The following CEP170B variants were observed in gnomAD, a reference collection of about 807,000 sequenced individuals.
The protein encoded by CEP170B is centrosomal protein 170B.
CEP170B carries 55 observed loss-of-function variants against 120.6 expected under a neutral mutation model. That is an observed-to-expected ratio of 0.46 (90% CI 0.37 to 0.57). The LOEUF (loss-of-function observed/expected upper bound fraction) is 0.57, where lower values mean the gene tolerates loss of function less well. Among genes scored for constraint, CEP170B ranks in the 20% least tolerant of loss-of-function variants. CEP170B has a pLI of 0.00. For missense variants in CEP170B, 2,212 were observed against 2,253.3 expected (o/e 0.98, Z 0.37); for synonymous variants, 1,033 against 954.5 (o/e 1.08, Z -1.52).
rs371153508 is a variant in CEP170B at position 104,894,496 on chromosome 14, G to A, written c.4366-41G>A. The A allele has an allele frequency of 1.6e-4, 253 of 1,604,390 alleles. 1 individual carries two copies. The highest frequency in any genetic ancestry group is 2.0e-4 in the Non-Finnish European group (231 of 1,174,822). Reference sequence around the variant, plus strand: ...GAGCCCCGGGGCAGGGCTGCAGCCCGTCAGAAGTTGACTCCACCTCCCTTC... The same window carrying A: ...GAGCCCCGGGGCAGGGCTGCAGCCCATCAGAAGTTGACTCCACCTCCCTTC... On this transcript the variant is annotated intron_variant, in intron 17 of 18. Coordinates refer to ENST00000414716, the MANE Select transcript of CEP170B (RefSeq NM_001112726.3).
intron 12 of CEP170B, 45 bp downstream of exon 12, chr14:104,888,023 C>T: frequency 3.5e-6 from 5 of 1,442,994 alleles, no homozygotes. Context: ...GACAGGGCTG[C>T]CAGTGGGTCT....
intron 12 of CEP170B, among the ~76,000 whole-genome samples, chr14:104,888,283 C>G (rs575311323): frequency 1.3e-5 from 2 of 152,222 alleles, no homozygotes; most frequent in Non-Finnish European, 2.9e-5. Flanking sequence ...GCCCTCCCCA[C>G]TCTTCCTGTA....
intron 10 of CEP170B, 67 bp from the exon 11 acceptor site, chr14:104,885,972 TC>T (rs1896469282): frequency 2.2e-6 from 3 of 1,394,710 alleles, no homozygotes; most frequent in East Asian, 2.5e-5. Context: ...CCCCTCCTGT[TC>T]CCTGGCACCC....
chr14:104,885,358 C>T lies in CEP170B; in HGVS notation c.1771-11C>T, dbSNP rs1245119951. On this transcript the variant is annotated splice_polypyrimidine_tract_variant and intron_variant, in intron 9 of 18. Transcript: ENST00000414716. ...TGACCCTCGGTGCCTGGGACCATTT[C>T]CTCTTGGCAGGTCTTTGGGGTGTTG... 4 of 1,549,068 alleles carry T rather than the reference C, an allele frequency of 2.6e-6. No individual in the cohort carries two copies. Among genetic ancestry groups the T allele is most frequent in the Admixed American group, 4.1e-5 (2 of 48,994 alleles).
In CEP170B at chr14:104,893,775, C is replaced by T. The variant is rs1896963584; in HGVS notation, c.4197C>T (p.Asn1399=). 2 of 1,610,920 alleles carry T rather than the reference C, an allele frequency of 1.2e-6. No homozygotes were observed. Among genetic ancestry groups the T allele is most frequent in the African/African-American group, 1.3e-5 (1 of 74,906 alleles). The change falls in exon 16 of 19, where the codon AAC becomes AAT. Residue 1399 remains asparagine, a synonymous_variant. Transcript: ENST00000414716. The part of the protein sequence containing the change: ...PRNREEVIFD[N]LMLNPVSQLS... ...GGCTCTTGCAGGTGATCTTCGATAA[C>T]CTGATGCTGAACCCGGTGTCCCAGC... is the stretch of plus-strand genomic sequence containing the variant.
chr14:104,877,826 G>GCCCCCACCCCCCCCCC, intron 3 of CEP170B, 59 bp from the exon 4 acceptor site: 1 of 534,440 alleles, frequency 1.9e-6, no homozygotes, highest in Admixed American at 4.1e-5. Flanking sequence ...CTGCGGCCCT[G>GCCCCCACCCCCCCCCC]CCCACAGCCA....
Position 104,895,126 on chromosome 14 carries a change from C to A in CEP170B, c.*168C>A. ...CCCTTGCCCCCTCGTCAGCTCCCAG[C>A]CAGCACCCTACTCACCCTGTCCAGC... On this transcript the variant is annotated 3_prime_UTR_variant, in exon 19 of 19. Coordinates refer to ENST00000414716, the MANE Select transcript of CEP170B (RefSeq NM_001112726.3). 1 of 733,810 alleles carries A rather than the reference C, an allele frequency of 1.4e-6. No individual in the cohort carries two copies. The highest frequency in any genetic ancestry group is 2.0e-5 in the South Asian group (1 of 50,572). The allele number at this position is 733,810 out of a possible 1,614,324, so 45.5% of individuals were successfully genotyped here.
intron 6 of CEP170B, 76 bp from the exon 7 acceptor site, chr14:104,882,652 C>A: frequency 8.1e-7 from 1 of 1,238,912 alleles, no homozygotes; most frequent in Non-Finnish European, 1.1e-6. Context: ...TCCAGCCTCT[C>A]CTGGGCTGCC....
intron 3 of CEP170B, among the ~76,000 whole-genome samples, chr14:104,877,027 C>T (rs939150346): frequency 1.8e-4 from 27 of 151,800 alleles, no homozygotes; most frequent in African/African-American, 6.6e-4. Flanking sequence ...TCTGTTGCTG[C>T]GCTTGGCGGA....
intron 5 of CEP170B, among the ~76,000 whole-genome samples, chr14:104,879,982 C>T (rs1896059650): frequency 6.6e-6 from 1 of 152,128 alleles, no homozygotes; most frequent in Non-Finnish European, 1.5e-5. Context: ...TCTGATGGCA[C>T]AAGCGGCCCT....
intron 13 of CEP170B, among the ~76,000 whole-genome samples, chr14:104,890,210 G>GTGGA (rs200561892): frequency 1.0e-4 from 9 of 89,822 alleles, no homozygotes; most frequent in Admixed American, 4.7e-4. Context: ...GGGTGGGTGG[G>GTGGA]TGGATGGATG....
chr14:104,878,523 G>C, intron 5 of CEP170B, 22 bp downstream of exon 5: 1 of 1,607,764 alleles, frequency 6.2e-7, no homozygotes, highest in South Asian at 1.1e-5. Context: ...CCAAGCCCGG[G>C]TGGCTCAGCC....
At chr14:104,876,810 G>A (rs1003409807) in intron 3 of CEP170B, among the ~76,000 whole-genome samples, 1 of 152,254 alleles carries the variant, frequency 6.6e-6, no homozygotes. Flanking sequence ...CCCAGTCTGG[G>A]TATGGGTGGA....
chr14:104,890,823 GGA>G, intron 13 of CEP170B, among the ~76,000 whole-genome samples: 1 of 146,728 alleles, frequency 6.8e-6, no homozygotes, highest in Admixed American at 6.7e-5. Flanking sequence ...GTGGGTGGAT[GGA>G]TGGATGGATG....
chr14:104,885,633 G>C, intron 10 of CEP170B, 91 bp downstream of exon 10: 1 of 1,469,888 alleles, frequency 6.8e-7, no homozygotes, highest in South Asian at 1.3e-5. Context: ...CCCCCATGGG[G>C]CGAGACTGGA....
Position 104,876,258 on chromosome 14 carries a change from C to G in CEP170B, c.108C>G (p.Ser36=). 3.2e-6 allele frequency: 5 copies of G among 1,550,618 alleles called. No individual in the cohort carries two copies. Among genetic ancestry groups the G allele is most frequent in the Non-Finnish European group, 3.5e-6 (4 of 1,146,764 alleles). Residue 36 remains serine, a splice_region_variant and synonymous_variant, in exon 3 of 19, where the codon TCC becomes TCG. Transcript: ENST00000414716. ...GREECELMLQ[S]RSVDKQHAVI... is the part of the protein sequence containing the mutation. The stretch of plus-strand genomic sequence containing the variant: ...GGGCTGGCTGTGTGTCTCTCCAGTC[C>G]CGCAGCGTGGACAAGCAGCATGCCG...
In CEP170B at chr14:104,886,361, AG is replaced by A; in HGVS notation, c.2125del (p.Ala709LeufsTer114). The A allele has an allele frequency of 6.3e-7, 1 of 1,577,170 alleles. No homozygotes were observed. The highest frequency in any genetic ancestry group is 8.6e-7 in the Non-Finnish European group (1 of 1,163,792). The part of the protein sequence containing the change: ...RRRLPQLPSE[R>X]ADSPAGPESS... ...ACGGCTCCCTCAGCTGCCCAGTGAG[AG>A]GGCTGACAGCCCTGCGGGCCCAGAG... is the stretch of plus-strand genomic sequence containing the variant. On this transcript the variant is annotated frameshift_variant, in exon 12 of 19. Coordinates refer to ENST00000414716, the MANE Select transcript of CEP170B (RefSeq NM_001112726.3). LOFTEE classifies it high-confidence loss of function.
chr14:104,887,292 C>T lies in CEP170B; in HGVS notation c.3053C>T (p.Thr1018Met), dbSNP rs745868472. ...SERQHHPLGP[T>M]DMGRGEPVRR... Reference sequence around the variant, plus strand: ...AGGCAGCATCACCCACTTGGCCCGACGGACATGGGCCGTGGAGAGCCGGTA... The same window carrying T: ...AGGCAGCATCACCCACTTGGCCCGATGGACATGGGCCGTGGAGAGCCGGTA... The change falls in exon 12 of 19, where the codon ACG becomes ATG. Residue 1018 changes from threonine (T) to methionine (M), a missense_variant. Coordinates refer to ENST00000414716, the MANE Select transcript of CEP170B (RefSeq NM_001112726.3). 2.1e-5 allele frequency: 33 copies of T among 1,609,258 alleles called. No homozygotes were observed. Among genetic ancestry groups the T allele is most frequent in the Non-Finnish European group, 2.3e-5 (27 of 1,178,982 alleles).
At position 104,868,756 on chromosome 14, in the gene CEP170B, T is replaced by C. The variant is rs1052198253; in HGVS notation, c.105+201T>C. On this transcript the variant is annotated intron_variant, in intron 2 of 18. Transcript: ENST00000414716. This position sits in a 1 kb window ranked among gnomAD's most constrained non-coding sequence, Gnocchi z 5.9. ...GTGGGTGCGTGCAGGGGTGTGTGTG[T>C]GCTCACAGGCTCGGGTCCCTGCCCC... 6.6e-6 allele frequency among the ~76,000 whole-genome samples: 1 copy of C among 152,164 alleles called. No individual in the cohort carries two copies. The highest frequency in any genetic ancestry group is 1.5e-5 in the Non-Finnish European group (1 of 68,022).
Sources: allele counts gnomAD v4.1 joint callset (sites outside exome capture counted in the v4.1 genomes callset), GRCh38; gene constraint gnomAD v4.1.1; non-coding constraint Gnocchi (gnomAD v3.1); transcripts MANE v1.5; gene names NCBI Gene and HGNC (gene_info 2026-07-23, HGNC 2026-07-21).